CCNY: variants seen among roughly 807,000 people sequenced by gnomAD.
CCNY encodes cyclin-Y.
A neutral mutation model predicts 42.8 loss-of-function variants in CCNY; 19 were observed. That is an observed-to-expected ratio of 0.44 (90% CI 0.31 to 0.65). The LOEUF is 0.65. Ranked by LOEUF, CCNY falls within the 30% of genes least tolerant of loss-of-function variation. The pLI is 0.07. For missense variants in CCNY, 370 were observed against 437.3 expected (o/e 0.85, Z 1.37); for synonymous variants, 165 against 162.7 (o/e 1.01, Z -0.11).
intron 1 of CCNY, among the ~76,000 whole-genome samples, chr10:35,341,058 T>C (rs1413352095): frequency 6.6e-6 from 1 of 152,164 alleles, no homozygotes; most frequent in African/African-American, 2.4e-5. Context: ...TAAGATCCTT[T>C]AAAAAACTTG....
intron 4 of CCNY, among the ~76,000 whole-genome samples, chr10:35,523,796 G>C (rs1840596675): frequency 6.6e-6 from 1 of 152,100 alleles, no homozygotes; most frequent in Non-Finnish European, 1.5e-5. Context: ...CATGATGTGG[G>C]TTGTATTGTT....
intron 3 of CCNY, among the ~76,000 whole-genome samples, chr10:35,291,391 T>A (rs972129074): frequency 2.6e-5 from 4 of 152,182 alleles, no homozygotes; most frequent in African/African-American, 9.7e-5. Context: ...AGTACATTAT[T>A]TCTTTTTATT....
chr10:35,417,063 A>G (rs1012416109), intron 1 of CCNY, among the ~76,000 whole-genome samples: 10 of 152,194 alleles, frequency 6.6e-5, no homozygotes, highest in African/African-American at 2.4e-4. Context: ...CAGAGTCGAG[A>G]GAGGCATACT....
upstream of CCNY, chr10:35,335,859 A>T (rs1240559194): frequency 1.4e-5 from 2 of 148,054 alleles, no homozygotes; most frequent in African/African-American, 5.2e-5. Flanking sequence ...CTTTGGAGAC[A>T]CACACACACA....
In CCNY at chr10:35,382,439, G is replaced by A. The variant is rs544720941; in HGVS notation, c.154+45232G>A. ...GCGCCTTTGCAGTGGTAAGACCTCA[G>A]CCAGAACCCTGGCTTCTTGACTCTC... On this transcript the variant is annotated intron_variant, in intron 1 of 9. Coordinates refer to ENST00000374704, the MANE Select transcript of CCNY (RefSeq NM_145012.6). Among the ~76,000 whole-genome samples the A allele has an allele frequency of 3.3e-5, 5 of 152,360 alleles. No individual in the cohort carries two copies. In the East Asian group the frequency reaches 9.7e-4, roughly 29 times the overall value.
intron 1 of CCNY, among the ~76,000 whole-genome samples, chr10:35,414,113 A>G (rs913814563): frequency 1.3e-5 from 2 of 152,216 alleles, no homozygotes; most frequent in South Asian, 4.1e-4. Context: ...AAGTTACCAG[A>G]AACTCAGCAG....
Position 35,301,945 on chromosome 10 carries a change from TTTTATTTTA to T in CCNY, c.-9+51327_-9+51335del, listed in dbSNP as rs754254466. On this transcript the variant is annotated intron_variant, in intron 3 of 11. Coordinates refer to the CCNY transcript ENST00000374706. ...ACCCCGCCCAGCCTTCATTGTTATTTTTTATTTTATTTATTTATTTATTTATTTATTTTT... is the reference window on the plus strand; with the variant it reads ...ACCCCGCCCAGCCTTCATTGTTATTTTTTATTTATTTATTTATTTATTTTT... 5.3e-5 allele frequency among the ~76,000 whole-genome samples: 8 copies of T among 150,982 alleles called. No homozygotes were observed. In the East Asian group the frequency reaches 5.8e-4, roughly 11 times the overall value.
chr10:35,378,399 T>C (rs1221085586), intron 1 of CCNY, among the ~76,000 whole-genome samples: 2 of 152,184 alleles, frequency 1.3e-5, no homozygotes, highest in African/African-American at 4.8e-5. Flanking sequence ...GGGTGTGATC[T>C]TGACTGTTTT....
chr10:35,338,972 A>G (rs1318596648), intron 1 of CCNY, among the ~76,000 whole-genome samples: 1 of 152,242 alleles, frequency 6.6e-6, no homozygotes, highest in African/African-American at 2.4e-5. Flanking sequence ...CTTTCATTTC[A>G]AAGAAATCTT....
intron 1 of CCNY, among the ~76,000 whole-genome samples, chr10:35,417,234 G>A (rs3013352): frequency 0.98 from 149,529 of 152,276 alleles, 73,497 homozygotes; most frequent in South Asian, 1. Flanking sequence ...TTTAGAATCA[G>A]TCATCTTTGT....
chr10:35,444,992 T>C (rs1036923945), intron 1 of CCNY, among the ~76,000 whole-genome samples: 1 of 152,176 alleles, frequency 6.6e-6, no homozygotes, highest in African/African-American at 2.4e-5. Flanking sequence ...TTTTTAGTAT[T>C]TGTGGTTTGG....
chr10:35,394,959 C>T (rs774475499), intron 1 of CCNY: 50 of 504,564 alleles, frequency 9.9e-5, no homozygotes, highest in Non-Finnish European at 1.2e-4. Flanking sequence ...CACATCCATT[C>T]GCCACATATT....
chr10:35,407,643 ACGCTTAGAT>A (rs1410392301), intron 1 of CCNY, among the ~76,000 whole-genome samples: 1 of 152,084 alleles, frequency 6.6e-6, no homozygotes, highest in Non-Finnish European at 1.5e-5. Context: ...AGAAAATAAG[ACGCTTAGAT>A]TTTAGGTCAG....
chr10:35,562,039 T>G (rs138132725), intron 8 of CCNY, among the ~76,000 whole-genome samples: 1 of 152,248 alleles, frequency 6.6e-6, no homozygotes, highest in African/African-American at 2.4e-5. Flanking sequence ...GCAACCGCTG[T>G]GGATGGGGAA....
At chr10:35,272,120 G>GA (rs1835177947) in intron 3 of CCNY, among the ~76,000 whole-genome samples, 1 of 152,110 alleles carries the variant, frequency 6.6e-6, no homozygotes, top group Admixed American at 6.6e-5. Flanking sequence ...CTGAGTAGCT[G>GA]GGATTACAGG....
intron 1 of CCNY, among the ~76,000 whole-genome samples, chr10:35,376,041 G>T (rs1837044263): frequency 1.3e-5 from 2 of 152,138 alleles, no homozygotes; most frequent in Admixed American, 6.6e-5. Context: ...AGCTCTGAGG[G>T]GTCGTGGCTC....
intron 3 of CCNY, among the ~76,000 whole-genome samples, chr10:35,506,828 TATATAGTGTTAGG>T (rs1840225391): frequency 6.6e-6 from 1 of 152,206 alleles, no homozygotes; most frequent in Non-Finnish European, 1.5e-5. Context: ...TGATCTTTTG[TATATAGTGTTAGG>T]ATATCATCCC....
chr10:35,315,021 T>G (rs1428186430), intron 3 of CCNY: 1 of 152,138 alleles, frequency 6.6e-6, no homozygotes, highest in Admixed American at 6.5e-5. Flanking sequence ...GCGGAGGTTG[T>G]GGTGAGCCGA....
At chr10:35,450,723 T>A (rs1838897887) in intron 1 of CCNY, among the ~76,000 whole-genome samples, 2 of 152,048 alleles carry the variant, frequency 1.3e-5, no homozygotes, top group South Asian at 4.1e-4. Context: ...CTCTTTTACC[T>A]TTTGTGTATC....
Sources: allele counts gnomAD v4.1 joint callset (sites outside exome capture counted in the v4.1 genomes callset), GRCh38; gene constraint gnomAD v4.1.1; transcripts MANE v1.5; gene names NCBI Gene and HGNC (gene_info 2026-07-23, HGNC 2026-07-21).